Variants in FAM184B observed in about 807,000 individuals in gnomAD.
FAM184B encodes the protein family with sequence similarity 184 member B.
In FAM184B, 111 loss-of-function variants were observed where a neutral mutation model predicts 135.9. That is an observed-to-expected ratio of 0.82 (90% CI 0.70 to 0.96). The LOEUF (loss-of-function observed/expected upper bound fraction) is 0.96, where lower values mean the gene tolerates loss of function less well. FAM184B is among the 40% of genes least tolerant of loss of function. FAM184B has a pLI of 0.00. For synonymous variants in FAM184B, 552 were observed against 524.8 expected (o/e 1.05, Z -0.71); for missense variants, 1,375 against 1,323.9 (o/e 1.04, Z -0.60).
chr4:17,674,790 C>T (rs1181263005), intron 7 of FAM184B, among the ~76,000 whole-genome samples: 1 of 152,182 alleles, frequency 6.6e-6, no homozygotes, highest in African/African-American at 2.4e-5. Flanking sequence ...GAAGAGACCA[C>T]TTTCTTTGAT....
At chr4:17,636,763 A>G in intron 14 of FAM184B, 118 bp from the exon 15 acceptor site, 1 of 857,366 alleles carries the variant, frequency 1.2e-6, no homozygotes, top group South Asian at 1.8e-5. Context: ...GGAGGCCCAG[A>G]TAGCAGCAGC....
chr4:17,642,515 A>C (rs1715351954), intron 12 of FAM184B, among the ~76,000 whole-genome samples: 2 of 152,230 alleles, frequency 1.3e-5, no homozygotes, highest in South Asian at 4.1e-4. Flanking sequence ...TCCACCTGCC[A>C]GGGTGCCCTC....
chr4:17,660,313 C>T (rs138676234), intron 8 of FAM184B, among the ~76,000 whole-genome samples: 2 of 151,836 alleles, frequency 1.3e-5, no homozygotes, highest in Non-Finnish European at 2.9e-5. Flanking sequence ...TAGCAGGAAC[C>T]GCCTGATAGC....
At chr4:17,718,251 G>A (rs1717440336) in intron 1 of FAM184B, among the ~76,000 whole-genome samples, 1 of 152,076 alleles carries the variant, frequency 6.6e-6, no homozygotes, top group Non-Finnish European at 1.5e-5. Flanking sequence ...CGGTATTACT[G>A]CCAGAAGTCA....
intron 12 of FAM184B, among the ~76,000 whole-genome samples, chr4:17,646,215 C>A (rs1397935900): frequency 6.6e-6 from 1 of 151,924 alleles, no homozygotes; most frequent in Non-Finnish European, 1.5e-5. Context: ...TTGACCCAGC[C>A]ATCCCATTAC....
At position 17,708,680 on chromosome 4, in the gene FAM184B, T is replaced by C. The variant is rs1333545814; in HGVS notation, c.894+212A>G. Among the ~76,000 whole-genome samples, 163 of 39,310 alleles carry C rather than the reference T, an allele frequency of 4.1e-3. 9 individuals carry two copies. The highest frequency in any genetic ancestry group is 6.3e-3 in the Non-Finnish European group (145 of 23,104). The allele number at this position is 39,310 out of a possible 152,430, so 25.8% of individuals were successfully genotyped here. A position where few individuals can be genotyped will look rare whatever the true frequency, so the allele number is the denominator to read the frequency against. ...AAACAAAACTATATATATATATATA[T>C]ATATATATATATATATATATATATA... On this transcript the variant is annotated intron_variant, in intron 2 of 17. Coordinates refer to ENST00000265018, the MANE Select transcript of FAM184B (RefSeq NM_015688.2).
At chr4:17,722,907 A>G (rs1299575238) in intron 1 of FAM184B, among the ~76,000 whole-genome samples, 1 of 152,218 alleles carries the variant, frequency 6.6e-6, no homozygotes, top group Non-Finnish European at 1.5e-5. Context: ...AGGAAATATT[A>G]TGAGAGAGAA....
At chr4:17,689,818 C>T (rs914765844) in intron 6 of FAM184B, among the ~76,000 whole-genome samples, 4 of 152,006 alleles carry the variant, frequency 2.6e-5, no homozygotes, top group African/African-American at 9.7e-5. Flanking sequence ...TTAATCCTCA[C>T]AACAGCCTTT....
intron 1 of FAM184B, among the ~76,000 whole-genome samples, chr4:17,731,862 C>T (rs562416605): frequency 3.9e-5 from 6 of 152,234 alleles, no homozygotes; most frequent in Non-Finnish European, 8.8e-5. Flanking sequence ...AACTCTCCAC[C>T]CCAAATCAAC....
intron 1 of FAM184B, among the ~76,000 whole-genome samples, chr4:17,742,025 A>T (rs780178246): frequency 6.6e-6 from 1 of 151,904 alleles, no homozygotes; most frequent in Non-Finnish European, 1.5e-5. Flanking sequence ...GCTGTACCAC[A>T]TTGTACCTAC....
intron 10 of FAM184B, among the ~76,000 whole-genome samples, chr4:17,656,813 C>T (rs1715787151): frequency 6.6e-6 from 1 of 152,084 alleles, no homozygotes; most frequent in African/African-American, 2.4e-5. Flanking sequence ...TAGTCCTTTC[C>T]TCCTCCCTCT....
chr4:17,759,426 G>A (rs1718493662), intron 1 of FAM184B, among the ~76,000 whole-genome samples: 2 of 152,144 alleles, frequency 1.3e-5, no homozygotes, highest in African/African-American at 4.8e-5. Context: ...AGTACAGCCT[G>A]CAGAATCAGA....
chr4:17,710,217 G>A (rs1010117508), intron 1 of FAM184B, among the ~76,000 whole-genome samples: 12 of 152,082 alleles, frequency 7.9e-5, no homozygotes, highest in Admixed American at 4.6e-4. Context: ...CCAGCTACTC[G>A]GGAGGCTGAG....
chr4:17,721,959 A>G lies in FAM184B; in HGVS notation c.142-12315T>C, dbSNP rs1419619728. Among the ~76,000 whole-genome samples, 6 of 152,316 alleles carry G rather than the reference A, an allele frequency of 3.9e-5. No individual in the cohort carries two copies. In the East Asian group the frequency reaches 9.7e-4, roughly 25 times the overall value. ...GAATAACACTGCATCTCATAACTGC[A>G]TCTCTGGAATCGTTGCAGAGAGCAG... On this transcript the variant is annotated intron_variant, in intron 1 of 17. Transcript: ENST00000265018.
chr4:17,761,357 A>G (rs531177687), intron 1 of FAM184B, among the ~76,000 whole-genome samples: 1 of 152,342 alleles, frequency 6.6e-6, no homozygotes, highest in East Asian at 1.9e-4. Flanking sequence ...CAGCCCTGCC[A>G]GTACCTTGAG....
chr4:17,762,755 A>G (rs1045460773), intron 1 of FAM184B, among the ~76,000 whole-genome samples: 1 of 152,020 alleles, frequency 6.6e-6, no homozygotes, highest in Non-Finnish European at 1.5e-5. Context: ...CCTATAAGAC[A>G]CCTCTTTTTT....
At position 17,709,358 on chromosome 4, in the gene FAM184B, C is replaced by A; in HGVS notation, c.428G>T (p.Arg143Leu). ...ELRVEAEHAE[R>L]VLTLSREMLE... Reference sequence around the variant, plus strand: ...CATTTCCCTGGAGAGCGTGAGGACTCGCTCGGCGTGCTCTGCCTCCACCCT... The same window carrying A: ...CATTTCCCTGGAGAGCGTGAGGACTAGCTCGGCGTGCTCTGCCTCCACCCT... Residue 143 changes from arginine to leucine, a missense_variant, in exon 2 of 18, where the codon CGA (arginine) becomes CTA (leucine). By Grantham distance (102) the Arg-to-Leu change is moderately radical. Coordinates refer to ENST00000265018, the MANE Select transcript of FAM184B (RefSeq NM_015688.2). 1 of 1,547,060 alleles carries A rather than the reference C, an allele frequency of 6.5e-7. No individual in the cohort carries two copies. The highest frequency in any genetic ancestry group is 1.2e-5 in the South Asian group (1 of 83,666).
chr4:17,696,717 G>A (rs573309103), intron 5 of FAM184B, among the ~76,000 whole-genome samples: 4 of 152,194 alleles, frequency 2.6e-5, no homozygotes, highest in African/African-American at 9.6e-5. Context: ...GGGGGCCGAG[G>A]CAGGAGGATC....
chr4:17,637,998 A>ACT (rs58814945), intron 14 of FAM184B, among the ~76,000 whole-genome samples: 142,952 of 151,712 alleles, frequency 0.94, 67,500 homozygotes, highest in East Asian at 1. Context: ...CCTCCCTCTC[A>ACT]CTGATGCCTC....
Sources: gnomAD v4.1 joint callset for allele counts (sites outside exome capture counted in the v4.1 genomes callset) on GRCh38, gnomAD v4.1.1 for gene constraint, MANE v1.5 for transcripts, NCBI Gene and HGNC (gene_info 2026-07-23, HGNC 2026-07-21) for gene names.